Variants in HDAC9 observed in about 807,000 individuals in gnomAD.
HDAC9 encodes histone deacetylase 9, also known as MEF-2 interacting transcription repressor (MITR) protein.
In HDAC9, 41 loss-of-function variants were observed where a neutral mutation model predicts 139.4. The observed-to-expected ratio is 0.29, with a 90% CI of 0.23 to 0.38. The LOEUF (loss-of-function observed/expected upper bound fraction) is 0.38. Among genes scored for constraint, HDAC9 ranks in the 10% least tolerant of loss-of-function variants. The probability of loss-of-function intolerance (pLI) is 1.00; values close to 1 mark genes in which losing one functional copy is unlikely to be tolerated. For synonymous variants in HDAC9, 517 were observed against 476.2 expected, an observed-to-expected ratio of 1.09 and a Z score of -1.12; for missense variants, 1,147 against 1,297.0, an observed-to-expected ratio of 0.88 and a Z score of 1.78.
intron 1 of HDAC9, among the ~76,000 whole-genome samples, chr7:18,490,266 C>G (rs557057284): frequency 1.3e-5 from 2 of 152,006 alleles, no homozygotes; most frequent in African/African-American, 4.8e-5. Context: ...CTGACTTACT[C>G]GTTCTGGGGT....
At chr7:18,236,206 C>G (rs1374703543) in intron 2 of HDAC9, among the ~76,000 whole-genome samples, 3 of 152,190 alleles carry the variant, frequency 2.0e-5, no homozygotes, top group Non-Finnish European at 4.4e-5. Flanking sequence ...GCAGCATCAG[C>G]ATCAACTAGG....
chr7:18,507,594 A>G (rs1199738981), intron 2 of HDAC9, among the ~76,000 whole-genome samples: 3 of 151,856 alleles, frequency 2.0e-5, no homozygotes, highest in Admixed American at 6.6e-5. Flanking sequence ...TCCCGGGTTC[A>G]AGCTATTCTG....
chr7:18,680,989 C>T (rs570459653), intron 12 of HDAC9, among the ~76,000 whole-genome samples: 50 of 152,102 alleles, frequency 3.3e-4, no homozygotes, highest in African/African-American at 1.1e-3. Flanking sequence ...TGAAGAAGAG[C>T]TGTTGCTTTC....
chr7:18,463,071 T>C (rs1793983502), intron 1 of HDAC9, among the ~76,000 whole-genome samples: 1 of 151,988 alleles, frequency 6.6e-6, no homozygotes, highest in South Asian at 2.1e-4. Flanking sequence ...GTATATAGTT[T>C]CAGTTTTAAT....
intron 21 of HDAC9, among the ~76,000 whole-genome samples, chr7:18,873,704 G>A (rs1799101371): frequency 6.6e-6 from 1 of 152,052 alleles, no homozygotes; most frequent in Non-Finnish European, 1.5e-5. Flanking sequence ...TTTTTATGAT[G>A]GCATACTGGT....
intron 1 of HDAC9, among the ~76,000 whole-genome samples, chr7:18,467,821 G>T (rs184187379): frequency 1.8e-4 from 27 of 152,136 alleles, no homozygotes; most frequent in Non-Finnish European, 3.1e-4. Flanking sequence ...TCCTGTTCCG[G>T]TATTCCATCT....
chr7:18,314,780 G>A (rs187365749), intron 1 of HDAC9, among the ~76,000 whole-genome samples: 7 of 152,216 alleles, frequency 4.6e-5, no homozygotes, highest in East Asian at 3.9e-4. Flanking sequence ...TTTAAAATAG[G>A]TTTAGTAATA....
rs774639418 is a variant in HDAC9, at chr7:18,793,338, TG to T, written c.2215-6del. On this transcript the variant is annotated splice_polypyrimidine_tract_variant and splice_region_variant and intron_variant, in intron 16 of 25. Coordinates refer to ENST00000686413, the MANE Select transcript of HDAC9 (RefSeq NM_178425.4). Reference sequence around the variant, plus strand: ...CTGTCTTCGGACTCTGCTGACTGTTTGCTCAGGTGGACAGTGACACCATTTG... The same window carrying T: ...CTGTCTTCGGACTCTGCTGACTGTTTCTCAGGTGGACAGTGACACCATTTG... The T allele has an allele frequency of 1.5e-5, 23 of 1,556,072 alleles. No homozygotes were observed. Among genetic ancestry groups the T allele is most frequent in the Non-Finnish European group, 2.0e-5 (23 of 1,145,976 alleles).
chr7:18,926,336 G>A (rs917753561), intron 22 of HDAC9, among the ~76,000 whole-genome samples: 4 of 152,130 alleles, frequency 2.6e-5, no homozygotes, highest in Non-Finnish European at 5.9e-5. Context: ...GACAGAGTGA[G>A]ACTTCATCTC....
At chr7:18,773,400 CA>C (rs1790488374) in intron 16 of HDAC9, among the ~76,000 whole-genome samples, 1 of 148,950 alleles carries the variant, frequency 6.7e-6, no homozygotes, top group South Asian at 2.1e-4. Context: ...CACACACACA[CA>C]CACACACACA....
At position 18,996,058 on chromosome 7, in the gene HDAC9, T is replaced by A. The variant is rs1393707947; in HGVS notation, c.3206T>A (p.Leu1069Ter). The A allele has an allele frequency of 8.7e-6, 14 of 1,604,926 alleles. No individual in the cohort carries two copies. Among genetic ancestry groups the A allele is most frequent in the Non-Finnish European group, 1.2e-5 (14 of 1,175,414 alleles). Reference protein sequence around the residue: ...AGEPMEEEPAL With the variant: ...AGEPMEEEPA ...GAGCCTATGGAAGAGGAGCCAGCCTTGTGAAGTGCCAAGTCCCCCTCTGAT... is the reference window on the plus strand; with the variant it reads ...GAGCCTATGGAAGAGGAGCCAGCCTAGTGAAGTGCCAAGTCCCCCTCTGAT... The change falls in exon 26 of 26, where the codon TTG (leucine) becomes TAG (stop). Residue 1069 changes from leucine to a stop codon, truncating the protein, a stop_gained. Transcript: ENST00000686413. LOFTEE classifies it high-confidence loss of function.
At chr7:18,332,731 A>G (rs185056726) in intron 1 of HDAC9, among the ~76,000 whole-genome samples, 75 of 151,716 alleles carry the variant, frequency 4.9e-4, no homozygotes, top group Admixed American at 3.9e-3. Flanking sequence ...CTACATCTCA[A>G]TTTGGCCTAT....
At chr7:18,552,851 G>GT (rs1036757008) in intron 2 of HDAC9, among the ~76,000 whole-genome samples, 27 of 152,158 alleles carry the variant, frequency 1.8e-4, no homozygotes, top group African/African-American at 6.5e-4. Context: ...GTGTATGTGT[G>GT]TTTGTAGAAT....
At chr7:18,294,704 CG>C (rs35672707) in intron 1 of HDAC9, among the ~76,000 whole-genome samples, 1 of 152,018 alleles carries the variant, frequency 6.6e-6, no homozygotes, top group Admixed American at 6.6e-5. Flanking sequence ...AAGGTTTACA[CG>C]GGGAGTTGCA....
intron 12 of HDAC9, chr7:18,666,744 A>T: frequency 7.9e-7 from 1 of 1,262,684 alleles, no homozygotes; most frequent in Non-Finnish European, 1.0e-6. Context: ...ATTATGATAC[A>T]TAATATCTGA....
chr7:18,785,348 C>T (rs2078869), intron 16 of HDAC9, among the ~76,000 whole-genome samples: 94,159 of 151,460 alleles, frequency 0.62, 31,590 homozygotes, highest in Non-Finnish European at 0.76. Flanking sequence ...AACCATGCAT[C>T]GTAGGATGCG....
At chr7:18,392,599 T>A (rs1786636155) in intron 1 of HDAC9, among the ~76,000 whole-genome samples, 1 of 152,154 alleles carries the variant, frequency 6.6e-6, no homozygotes, top group African/African-American at 2.4e-5. Context: ...GCAATCCAAC[T>A]AATGCAATTT....
intron 2 of HDAC9, among the ~76,000 whole-genome samples, chr7:18,548,810 A>G (rs946580665): frequency 2.6e-5 from 4 of 152,230 alleles, no homozygotes; most frequent in Admixed American, 2.6e-4. Flanking sequence ...ATATATCTCT[A>G]TGATAATAGC....
intron 1 of HDAC9, among the ~76,000 whole-genome samples, chr7:18,113,802 T>C: frequency 6.6e-6 from 1 of 152,258 alleles, no homozygotes. Context: ...TACAGAGCTT[T>C]TTTTTATATT....
Sources: allele counts gnomAD v4.1 joint callset (sites outside exome capture counted in the v4.1 genomes callset), GRCh38; gene constraint gnomAD v4.1.1; transcripts MANE v1.5; gene names NCBI Gene and HGNC (gene_info 2026-07-23, HGNC 2026-07-21).